Variants in BPIFB4 observed in about 807,000 individuals in gnomAD.
The protein encoded by BPIFB4 is BPI fold-containing family B member 4.
BPIFB4 carries 62 observed loss-of-function variants against 69.2 expected under a neutral mutation model. That is an observed-to-expected ratio of 0.90 (90% CI 0.73 to 1.11). BPIFB4 has a LOEUF of 1.11. BPIFB4 is among the 50% of genes least tolerant of loss of function. The probability of loss-of-function intolerance (pLI) is 0.00; values close to 1 mark genes in which losing one functional copy is unlikely to be tolerated. For missense variants in BPIFB4, 789 were observed against 792.0 expected, an observed-to-expected ratio of 1.00 and a Z score of 0.04; for synonymous variants, 330 against 332.7, an observed-to-expected ratio of 0.99 and a Z score of 0.09.
At chr20:33,082,519 A>C in intron 3 of BPIFB4, among the ~76,000 whole-genome samples, 1 of 151,994 alleles carries the variant, frequency 6.6e-6, no homozygotes. Flanking sequence ...TTTTTAGTAG[A>C]GACGGGGTTT....
At chr20:33,102,329 C>T (rs767364639) in intron 14 of BPIFB4, among the ~76,000 whole-genome samples, 2 of 152,278 alleles carry the variant, frequency 1.3e-5, no homozygotes, top group East Asian at 1.9e-4. Context: ...GAACGATTTC[C>T]GCCCCACGGG....
chr20:33,080,068 T>A (rs1202483581), intron 1 of BPIFB4, among the ~76,000 whole-genome samples: 1 of 152,086 alleles, frequency 6.6e-6, no homozygotes, highest in Non-Finnish European at 1.5e-5. Context: ...CTCTGGAAAG[T>A]GAGGTTAGGA....
At chr20:33,081,152 T>C (rs895583280) in intron 2 of BPIFB4, among the ~76,000 whole-genome samples, 5 of 152,180 alleles carry the variant, frequency 3.3e-5, no homozygotes, top group Admixed American at 1.3e-4. Flanking sequence ...GGGTAGATGC[T>C]GGAGAGAGTT....
chr20:33,111,500 G>A lies in BPIFB4; in HGVS notation c.*63G>A. On this transcript the variant is annotated 3_prime_UTR_variant, in exon 18 of 18. Coordinates refer to ENST00000375483, the MANE Select transcript of BPIFB4 (RefSeq NM_182519.3). ...CTGGAACCAGTCCCAGAGAGGCTCGGCCTGGAAACAGTCCCCTGCCCAGAG... is the reference window on the plus strand; with the variant it reads ...CTGGAACCAGTCCCAGAGAGGCTCGACCTGGAAACAGTCCCCTGCCCAGAG... 1 of 1,601,050 alleles carries A rather than the reference G, an allele frequency of 6.2e-7. No individual in the cohort carries two copies. Among genetic ancestry groups the A allele is most frequent in the Non-Finnish European group, 8.5e-7 (1 of 1,169,838 alleles).
At chr20:33,108,423 C>CTCTATATATATATA (rs1555787223) in intron 17 of BPIFB4, among the ~76,000 whole-genome samples, 2 of 125,704 alleles carry the variant, frequency 1.6e-5, no homozygotes, top group Non-Finnish European at 3.3e-5. Context: ...ATATATATGT[C>CTCTATATATATATA]TATATATATA....
At position 33,083,324 on chromosome 20, in the gene BPIFB4, C is replaced by T. The variant is rs757953256; in HGVS notation, c.170-43C>T. The T allele has an allele frequency of 8.5e-5, 134 of 1,577,038 alleles. No homozygotes were observed. The Admixed American group carries it at 1.6e-3, about 19-fold the overall frequency. On this transcript the variant is annotated intron_variant, in intron 4 of 17. Transcript: ENST00000375483. ...TGGTGGTGGTCTTTTGGGTGGTGGC[C>T]GACACCATTACAATGACTACAGACG...
At chr20:33,092,240 C>T (rs1981620310) in intron 10 of BPIFB4, among the ~76,000 whole-genome samples, 1 of 152,172 alleles carries the variant, frequency 6.6e-6, no homozygotes, top group African/African-American at 2.4e-5. Flanking sequence ...CATACCATGG[C>T]TGTAATTGTA....
chr20:33,086,461 G>C (rs1318539593), intron 7 of BPIFB4, among the ~76,000 whole-genome samples: 2 of 152,218 alleles, frequency 1.3e-5, no homozygotes, highest in African/African-American at 4.8e-5. Flanking sequence ...GTTTTGATCT[G>C]AATGGTCAGG....
chr20:33,085,031 C>A (rs1322204109), intron 6 of BPIFB4, 35 bp downstream of exon 6: 1 of 1,594,946 alleles, frequency 6.3e-7, no homozygotes, highest in East Asian at 2.3e-5. Context: ...GTCCCCACCA[C>A]CCTATGGCCC....
At position 33,100,544 on chromosome 20, in the gene BPIFB4, G is replaced by A. The variant is rs1396936570; in HGVS notation, c.1637+51G>A. On this transcript the variant is annotated intron_variant, in intron 14 of 17. Transcript: ENST00000375483. ...CCTGACGGTGCTGGTGCTGCTCATGGAGGAGCCACCAGGGAGCGGGTAGAG... is the reference window on the plus strand; with the variant it reads ...CCTGACGGTGCTGGTGCTGCTCATGAAGGAGCCACCAGGGAGCGGGTAGAG... 3.3e-6 allele frequency: 5 copies of A among 1,534,918 alleles called. No homozygotes were observed. In the South Asian group the frequency reaches 5.7e-5, roughly 17 times the overall value.
At chr20:33,091,713 C>T (rs1441731021) in intron 10 of BPIFB4, among the ~76,000 whole-genome samples, 1 of 152,216 alleles carries the variant, frequency 6.6e-6, no homozygotes, top group Non-Finnish European at 1.5e-5. Context: ...GGGCTGAGTG[C>T]TGGAAGTACA....
At chr20:33,086,901 C>A (rs1040395490) in intron 7 of BPIFB4, among the ~76,000 whole-genome samples, 2 of 152,206 alleles carry the variant, frequency 1.3e-5, no homozygotes, top group Non-Finnish European at 2.9e-5. Context: ...TCTGTTCACT[C>A]CCTGCCCTCT....
chr20:33,084,790 G>A, intron 5 of BPIFB4, 102 bp from the exon 6 acceptor site: 4 of 1,492,808 alleles, frequency 2.7e-6, no homozygotes, highest in South Asian at 1.3e-5. Flanking sequence ...GAGTCAGAAG[G>A]AACAGACGGG....
rs374468061 is a variant in BPIFB4, at chr20:33,084,989, G to A, written c.775G>A (p.Gly259Arg). 5.8e-5 allele frequency: 93 copies of A among 1,611,572 alleles called. No homozygotes were observed. Among genetic ancestry groups the A allele is most frequent in the Non-Finnish European group, 6.9e-5 (82 of 1,179,878 alleles). Residue 259 changes from glycine to arginine, a missense_variant, in exon 6 of 18, where the codon GGG becomes AGG. By Grantham distance (125) the Gly-to-Arg change is moderately radical. Around this residue, in one of 3 missense-constraint regions of BPIFB4, gnomAD observed 611 missense variants for 575.4 expected, o/e 1.06. Transcript: ENST00000375483. ...LSLYTRVAIN[G>R]KSLIGFLDIA... is the part of the protein sequence containing the mutation. ...CTTGTACACCCGTGTGGCCATCAAC[G>A]GGAAGAGGTGCGTGCCCTTGGCCCT... is the stretch of plus-strand genomic sequence containing the variant.
chr20:33,097,416 T>C (rs1294684000), intron 12 of BPIFB4, among the ~76,000 whole-genome samples: 1 of 152,170 alleles, frequency 6.6e-6, no homozygotes, highest in East Asian at 1.9e-4. Context: ...CACAGTTATT[T>C]CTCATAGTAA....
intron 15 of BPIFB4, 66 bp from the exon 16 acceptor site, chr20:33,104,744 C>A (rs1981995556): frequency 3.3e-6 from 5 of 1,509,584 alleles, no homozygotes; most frequent in Non-Finnish European, 4.6e-6. Flanking sequence ...GGGGAGCAGA[C>A]CCAAGGGGCC....
chr20:33,087,875 G>T (rs1981481312), intron 7 of BPIFB4, among the ~76,000 whole-genome samples: 1 of 152,126 alleles, frequency 6.6e-6, no homozygotes, highest in African/African-American at 2.4e-5. Flanking sequence ...TGCATAGTTA[G>T]CTTTGGGAGA....
At chr20:33,083,935 C>T in intron 5 of BPIFB4, 61 bp downstream of exon 5, 1 of 1,510,152 alleles carries the variant, frequency 6.6e-7, no homozygotes, top group Non-Finnish European at 8.8e-7. Context: ...GGGGTGATCA[C>T]TCCCTGAAGC....
Position 33,088,982 on chromosome 20 carries a change from G to A in BPIFB4, c.943G>A (p.Val315Met), listed in dbSNP as rs759638197. The A allele has an allele frequency of 3.5e-5, 56 of 1,613,744 alleles. No individual in the cohort carries two copies. The highest frequency in any genetic ancestry group is 1.6e-4 in the Middle Eastern group (1 of 6,084). Reference sequence around the variant, plus strand: ...TCTCCTTAGGCTTCTCCCCAATCTCGTGGACAATTTAGTGAACCGAGTCCT... The same window carrying A: ...TCTCCTTAGGCTTCTCCCCAATCTCATGGACAATTTAGTGAACCGAGTCCT... ...KLLRGLLPNLVDNLVNRVLAD... is the reference protein window; with the variant it reads ...KLLRGLLPNLMDNLVNRVLAD... Residue 315 changes from valine to methionine, a missense_variant, in exon 8 of 18, where the codon GTG (valine) becomes ATG (methionine). Around this residue, in one of 3 missense-constraint regions of BPIFB4, gnomAD observed 611 missense variants for 575.4 expected, o/e 1.06. Coordinates refer to ENST00000375483, the MANE Select transcript of BPIFB4 (RefSeq NM_182519.3).
Sources: gnomAD v4.1 joint callset for allele counts (sites outside exome capture counted in the v4.1 genomes callset) on GRCh38, gnomAD v4.1.1 for gene constraint, gnomAD v4.1.1 regional missense constraint, MANE v1.5 for transcripts, NCBI Gene and HGNC (gene_info 2026-07-23, HGNC 2026-07-21) for gene names.